Variants in AGPAT3 observed in about 807,000 individuals in gnomAD.
AGPAT3 encodes 1-acylglycerol-3-phosphate O-acyltransferase 3, also known as 1-acyl-sn-glycerol-3-phosphate acyltransferase gamma.
In AGPAT3, 5 loss-of-function variants were observed where a neutral mutation model predicts 47.3. The observed-to-expected ratio is 0.11, with a 90% CI of 0.06 to 0.22. AGPAT3 has a LOEUF of 0.22. Among genes scored for constraint, AGPAT3 ranks in the 10% least tolerant of loss-of-function variants. The pLI, the probability that AGPAT3 is intolerant of heterozygous loss-of-function variation, is 1.00. For synonymous variants in AGPAT3, 212 were observed against 208.3 expected (o/e 1.02, Z -0.15); for missense variants, 315 against 493.0 (o/e 0.64, Z 3.42).
chr21:43,956,443 G>A (rs2088471352), intron 2 of AGPAT3, among the ~76,000 whole-genome samples: 1 of 152,196 alleles, frequency 6.6e-6, no homozygotes, highest in Admixed American at 6.5e-5. Context: ...CATCCTGCTG[G>A]GGTCATCTGA....
At chr21:43,877,204 T>C (rs1199801053) in intron 1 of AGPAT3, among the ~76,000 whole-genome samples, 1 of 152,152 alleles carries the variant, frequency 6.6e-6, no homozygotes, top group East Asian at 1.9e-4. Flanking sequence ...TTTGTCCTTA[T>C]AAACTTAACC....
chr21:43,886,887 G>A (rs1303130078), intron 1 of AGPAT3, among the ~76,000 whole-genome samples: 1 of 152,160 alleles, frequency 6.6e-6, no homozygotes, highest in Non-Finnish European at 1.5e-5. Context: ...TGGTTCTTAT[G>A]AACAGTGCTA....
chr21:43,870,645 C>T (rs1053751084), intron 1 of AGPAT3, among the ~76,000 whole-genome samples: 1 of 152,154 alleles, frequency 6.6e-6, no homozygotes, highest in African/African-American at 2.4e-5. Flanking sequence ...TGCCTTGAAC[C>T]TGGGAGGCGG....
intron 8 of AGPAT3, among the ~76,000 whole-genome samples, chr21:43,980,566 G>A (rs554908740): frequency 1.3e-4 from 20 of 152,356 alleles, no homozygotes; most frequent in African/African-American, 4.1e-4. Context: ...TCCTTGGGCC[G>A]TGCAGCTGAG....
At chr21:43,940,029 A>G (rs962474635) in intron 2 of AGPAT3, among the ~76,000 whole-genome samples, 1 of 152,198 alleles carries the variant, frequency 6.6e-6, no homozygotes, top group Non-Finnish European at 1.5e-5. Flanking sequence ...GACTAGAAGG[A>G]CAGTGCTGGC....
intron 1 of AGPAT3, among the ~76,000 whole-genome samples, chr21:43,887,733 C>T (rs2086012946): frequency 6.6e-6 from 1 of 152,260 alleles, no homozygotes; most frequent in Admixed American, 6.5e-5. Flanking sequence ...TAGCTCACCG[C>T]AACCTCCACC....
chr21:43,899,052 G>A (rs372532998), intron 1 of AGPAT3, among the ~76,000 whole-genome samples: 9 of 152,264 alleles, frequency 5.9e-5, no homozygotes, highest in East Asian at 1.9e-4. Context: ...CACACTTGCC[G>A]CTCTCTTTCC....
chr21:43,911,532 G>A (rs911008262), intron 2 of AGPAT3, among the ~76,000 whole-genome samples: 1 of 152,210 alleles, frequency 6.6e-6, no homozygotes, highest in Non-Finnish European at 1.5e-5. Context: ...ATGCCGCCTC[G>A]CTGGAAGGCA....
chr21:43,946,793 G>A (rs907651619), intron 2 of AGPAT3: 5 of 152,326 alleles, frequency 3.3e-5, no homozygotes, highest in African/African-American at 1.2e-4. Flanking sequence ...GTGTACATGG[G>A]CGTGTGTGTG....
chr21:43,885,798 C>T (rs1188026982), intron 1 of AGPAT3, among the ~76,000 whole-genome samples: 1 of 151,570 alleles, frequency 6.6e-6, no homozygotes, highest in East Asian at 2.0e-4. Flanking sequence ...GTTTGTGGCA[C>T]AGGCGAGGGG....
At chr21:43,959,913 C>T (rs576146849) in intron 3 of AGPAT3, 54 bp downstream of exon 3, 16 of 1,530,316 alleles carry the variant, frequency 1.0e-5, no homozygotes, top group East Asian at 4.8e-5. Flanking sequence ...GGGGGTGGCG[C>T]GCGACCATGC....
rs535806009 is a variant in AGPAT3 at position 43,906,838 on chromosome 21, G to C, written c.-49+2819G>C. Reference sequence around the variant, plus strand: ...AGCTGCGTGGAGACACCCGTGCTCCGCCTGGGCGAGCCGACACACACATGC... The same window carrying C: ...AGCTGCGTGGAGACACCCGTGCTCCCCCTGGGCGAGCCGACACACACATGC... On this transcript the variant is annotated intron_variant, in intron 2 of 9. Transcript: ENST00000291572. 6.6e-5 allele frequency among the ~76,000 whole-genome samples: 10 copies of C among 152,268 alleles called. No homozygotes were observed. The East Asian group carries it at 1.9e-3, about 29-fold the overall frequency.
chr21:43,874,038 TTTA>T (rs1188238701), intron 1 of AGPAT3, among the ~76,000 whole-genome samples: 1 of 152,246 alleles, frequency 6.6e-6, no homozygotes, highest in Non-Finnish European at 1.5e-5. Context: ...TCATAAGTAT[TTTA>T]TTATTATTTT....
Position 43,985,284 on chromosome 21 carries a change from T to C in AGPAT3, c.*2892T>C, listed in dbSNP as rs1300160643. 4.4e-6 allele frequency: 2 copies of C among 451,898 alleles called. No individual in the cohort carries two copies. The highest frequency in any genetic ancestry group is 7.0e-5 in the East Asian group (1 of 14,338). The allele number at this position is 451,898 out of a possible 1,614,324, so 28.0% of individuals were successfully genotyped here. On this transcript the variant is annotated 3_prime_UTR_variant, in exon 10 of 10. Coordinates refer to ENST00000291572, the MANE Select transcript of AGPAT3 (RefSeq NM_020132.5). ...GACAGTGTACCAGACGCGCACCCTA[T>C]GTGAGGTGCTTTAAGGTCCCTGTCC...
intron 2 of AGPAT3, among the ~76,000 whole-genome samples, chr21:43,910,072 G>A (rs568898496): frequency 2.6e-5 from 4 of 152,314 alleles, no homozygotes; most frequent in African/African-American, 2.4e-5. Context: ...AGCGTGACCC[G>A]TGGCTGGGAT....
intron 1 of AGPAT3, among the ~76,000 whole-genome samples, chr21:43,877,980 G>A (rs1011151833): frequency 2.0e-5 from 3 of 150,442 alleles, no homozygotes; most frequent in Admixed American, 6.6e-5. Context: ...CACCAGCCTC[G>A]CTTTCGACTG....
intron 2 of AGPAT3, among the ~76,000 whole-genome samples, chr21:43,915,294 C>T (rs543074531): frequency 3.1e-4 from 47 of 151,832 alleles, no homozygotes; most frequent in African/African-American, 1.1e-3. Context: ...TCAAGCAGTC[C>T]GCCCTCCTCA....
At chr21:43,898,664 T>C (rs539994069) in intron 1 of AGPAT3, among the ~76,000 whole-genome samples, 23 of 152,244 alleles carry the variant, frequency 1.5e-4, no homozygotes, top group African/African-American at 4.8e-4. Flanking sequence ...GTAGCTGGGA[T>C]TACAGGCACC....
chr21:43,881,272 C>G (rs2085848634), intron 1 of AGPAT3, among the ~76,000 whole-genome samples: 1 of 152,172 alleles, frequency 6.6e-6, no homozygotes, highest in African/African-American at 2.4e-5. Flanking sequence ...AAAACACATA[C>G]ATAAAGTATT....
Sources: gnomAD v4.1 joint callset for allele counts (sites outside exome capture counted in the v4.1 genomes callset) on GRCh38, gnomAD v4.1.1 for gene constraint, MANE v1.5 for transcripts, NCBI Gene and HGNC (gene_info 2026-07-23, HGNC 2026-07-21) for gene names.